The following THSD7B variants were observed in gnomAD, a reference collection of about 807,000 sequenced individuals.
The protein encoded by THSD7B is thrombospondin type-1 domain-containing protein 7B.
Under a neutral mutation model 213.6 loss-of-function variants are expected in THSD7B, and 138 were observed. The observed-to-expected ratio is 0.65, with a 90% confidence interval of 0.56 to 0.74. The LOEUF (loss-of-function observed/expected upper bound fraction) is 0.74, where lower values mean the gene tolerates loss of function less well. Among genes scored for constraint, THSD7B ranks in the 30% least tolerant of loss-of-function variants. The pLI is 0.00. For missense variants in THSD7B, 1,931 were observed against 1,991.5 expected, an observed-to-expected ratio of 0.97 and a Z score of 0.58; for synonymous variants, 742 against 687.0, an observed-to-expected ratio of 1.08 and a Z score of -1.25.
At chr2:137,026,801 T>G (rs200985517) in intron 2 of THSD7B, among the ~76,000 whole-genome samples, 1 of 152,202 alleles carries the variant, frequency 6.6e-6, no homozygotes, top group East Asian at 1.9e-4. Context: ...TTGTCCTCCT[T>G]TTTCACTCTC....
chr2:137,248,898 A>C (rs1682103935), intron 10 of THSD7B, among the ~76,000 whole-genome samples: 1 of 152,198 alleles, frequency 6.6e-6, no homozygotes, highest in Non-Finnish European at 1.5e-5. Context: ...TGAGAAATTA[A>C]ACACAGCAAG....
At chr2:137,065,863 C>T (rs1203584426) in intron 3 of THSD7B, among the ~76,000 whole-genome samples, 1 of 152,074 alleles carries the variant, frequency 6.6e-6, no homozygotes, top group South Asian at 2.1e-4. Flanking sequence ...TGCATCATAG[C>T]TGTAATTTAT....
At chr2:137,100,892 GA>G (rs1308078466) in intron 4 of THSD7B, among the ~76,000 whole-genome samples, 1 of 132,578 alleles carries the variant, frequency 7.5e-6, no homozygotes, top group Non-Finnish European at 1.6e-5. Context: ...CAGCTTTCCA[GA>G]AAAAAAATCT....
At chr2:137,154,227 A>G (rs1156584593) in intron 5 of THSD7B, among the ~76,000 whole-genome samples, 1 of 152,076 alleles carries the variant, frequency 6.6e-6, no homozygotes, top group African/African-American at 2.4e-5. Flanking sequence ...TACTTTTTTG[A>G]AAATGCTGGG....
At chr2:136,795,324 T>C (rs1440904410) in intron 1 of THSD7B, among the ~76,000 whole-genome samples, 1 of 151,924 alleles carries the variant, frequency 6.6e-6, no homozygotes, top group Non-Finnish European at 1.5e-5. Context: ...TAAAAGGGGC[T>C]GTTCGAGGCT....
At chr2:137,656,469 C>T (rs1037103607) in intron 22 of THSD7B, among the ~76,000 whole-genome samples, 2 of 152,112 alleles carry the variant, frequency 1.3e-5, no homozygotes, top group Non-Finnish European at 2.9e-5. Flanking sequence ...GATCTTTGAA[C>T]ACTGAGTTAC....
intron 3 of THSD7B, among the ~76,000 whole-genome samples, chr2:137,087,043 T>A (rs1409582748): frequency 6.6e-6 from 1 of 152,190 alleles, no homozygotes; most frequent in African/African-American, 2.4e-5. Flanking sequence ...TGTATTCATA[T>A]CCTGGGATAT....
At chr2:137,139,524 A>G (rs1478952589) in intron 5 of THSD7B, among the ~76,000 whole-genome samples, 8 of 152,170 alleles carry the variant, frequency 5.3e-5, no homozygotes, top group Admixed American at 5.2e-4. Context: ...AGGCTGCCCA[A>G]TCAAAGTAGG....
intron 14 of THSD7B, among the ~76,000 whole-genome samples, chr2:137,423,285 G>A (rs1686968118): frequency 6.6e-6 from 1 of 152,076 alleles, no homozygotes; most frequent in African/African-American, 2.4e-5. Context: ...GGAGGTTTTA[G>A]CCATGGCAAT....
intron 27 of THSD7B, among the ~76,000 whole-genome samples, chr2:137,669,307 G>A (rs888882152): frequency 1.3e-5 from 2 of 151,754 alleles, no homozygotes; most frequent in African/African-American, 4.9e-5. Flanking sequence ...AAAATAAGGT[G>A]ACTTTAATTC....
intron 5 of THSD7B, among the ~76,000 whole-genome samples, chr2:137,138,512 T>C (rs1679514277): frequency 6.6e-6 from 1 of 152,194 alleles, no homozygotes; most frequent in Admixed American, 6.5e-5. Context: ...TGTGTGCTCA[T>C]TGTATACCTT....
intron 10 of THSD7B, among the ~76,000 whole-genome samples, chr2:137,262,619 C>G (rs1682479209): frequency 6.6e-6 from 1 of 152,088 alleles, no homozygotes; most frequent in Admixed American, 6.6e-5. Flanking sequence ...GAGGGCAGGT[C>G]GTATTTTTTA....
intron 2 of THSD7B, among the ~76,000 whole-genome samples, chr2:137,054,405 C>T (rs1478897639): frequency 6.6e-6 from 1 of 152,136 alleles, no homozygotes; most frequent in Non-Finnish European, 1.5e-5. Context: ...ATGGCTAGAA[C>T]AGGGATGTGA....
intron 11 of THSD7B, among the ~76,000 whole-genome samples, chr2:137,273,473 T>C (rs1159113891): frequency 1.3e-5 from 2 of 152,144 alleles, no homozygotes; most frequent in Non-Finnish European, 2.9e-5. Flanking sequence ...GATTTGTGAA[T>C]ATAATCCATG....
chr2:137,085,652 G>A (rs1209136615), intron 3 of THSD7B, among the ~76,000 whole-genome samples: 1 of 151,994 alleles, frequency 6.6e-6, no homozygotes, highest in Non-Finnish European at 1.5e-5. Context: ...ATATCTGATG[G>A]GTGATGGTTC....
intron 7 of THSD7B, among the ~76,000 whole-genome samples, chr2:137,204,605 A>G (rs994305717): frequency 1.3e-5 from 2 of 152,144 alleles, no homozygotes; most frequent in Non-Finnish European, 2.9e-5. Context: ...CCATTTCAGA[A>G]ATGAGACATT....
chr2:136,946,016 G>T (rs1465530818), intron 2 of THSD7B, among the ~76,000 whole-genome samples: 1 of 152,198 alleles, frequency 6.6e-6, no homozygotes, highest in Non-Finnish European at 1.5e-5. Context: ...GCAAGGAGCT[G>T]CAGTCGTTTG....
At chr2:136,953,077 T>G (rs1021388857) in intron 2 of THSD7B, among the ~76,000 whole-genome samples, 1 of 152,154 alleles carries the variant, frequency 6.6e-6, no homozygotes, top group Non-Finnish European at 1.5e-5. Flanking sequence ...GGCAAGATAT[T>G]TTATTTGTTA....
At chr2:137,255,598 T>C (rs1242731093) in intron 10 of THSD7B, among the ~76,000 whole-genome samples, 4 of 152,178 alleles carry the variant, frequency 2.6e-5, no homozygotes, top group Non-Finnish European at 5.9e-5. Flanking sequence ...TACTTCCCTT[T>C]AGCTATGTCA....
Sources: allele counts gnomAD v4.1 joint callset (sites outside exome capture counted in the v4.1 genomes callset), GRCh38; gene constraint gnomAD v4.1.1; transcripts MANE v1.5; gene names NCBI Gene and HGNC (gene_info 2026-07-23, HGNC 2026-07-21).